CEP135: variants seen among roughly 807,000 people sequenced by gnomAD.
The protein encoded by CEP135 is centrosomal protein 135.
In CEP135, 142 loss-of-function variants were observed where a neutral mutation model predicts 157.3. That is an observed-to-expected ratio of 0.90 (90% CI 0.79 to 1.04). The LOEUF (loss-of-function observed/expected upper bound fraction) is 1.04. CEP135 is among the 50% of genes least tolerant of loss of function. The probability of loss-of-function intolerance (pLI) is 0.00; values close to 1 mark genes in which losing one functional copy is unlikely to be tolerated. For synonymous variants in CEP135, 396 were observed against 439.8 expected, an observed-to-expected ratio of 0.90 and a Z score of 1.25; for missense variants, 1,317 against 1,309.2, an observed-to-expected ratio of 1.01 and a Z score of -0.09.
At chr4:55,969,450 AAAAG>A (rs1728952114) in intron 9 of CEP135, among the ~76,000 whole-genome samples, 1 of 148,198 alleles carries the variant, frequency 6.7e-6, no homozygotes, top group Non-Finnish European at 1.5e-5. Context: ...AAAAAAAAAG[AAAAG>A]AAAATTTGTA....
chr4:55,961,980 A>G (rs1453579181), intron 6 of CEP135, among the ~76,000 whole-genome samples: 1 of 151,914 alleles, frequency 6.6e-6, no homozygotes, highest in East Asian at 1.9e-4. Flanking sequence ...TTAATCAATT[A>G]TTCTTTTTTT....
At position 55,974,757 on chromosome 4, in the gene CEP135, ACTC is replaced by A; in HGVS notation, c.1262_1264del (p.Thr421_Leu422delinsMet). On this transcript the variant is annotated inframe_deletion, in exon 11 of 26. Transcript: ENST00000257287. The stretch of plus-strand genomic sequence containing the variant: ...ACTTTAATTTACAGAACGACAACTT[ACTC>A]TGGAGGTTGAGAGGATGAGACTAGA... The A allele has an allele frequency of 6.2e-7, 1 of 1,611,988 alleles. No individual in the cohort carries two copies. Among genetic ancestry groups the A allele is most frequent in the Middle Eastern group, 1.7e-4 (1 of 6,042 alleles).
At chr4:55,971,239 G>A (rs1729016543) in intron 9 of CEP135, 31 bp from the exon 10 acceptor site, 14 of 1,501,760 alleles carry the variant, frequency 9.3e-6, no homozygotes, top group Non-Finnish European at 1.3e-5. Context: ...AAAGTTGTTA[G>A]AAATCTTAAT....
chr4:55,954,088 A>G (rs185936243), intron 3 of CEP135, 128 bp from the exon 4 acceptor site: 31 of 731,782 alleles, frequency 4.2e-5, no homozygotes, highest in African/African-American at 4.0e-4. Context: ...ATAAGTGTCA[A>G]CTAAAGCATG....
At chr4:56,014,990 C>T (rs1018293214) in intron 21 of CEP135, among the ~76,000 whole-genome samples, 2 of 151,810 alleles carry the variant, frequency 1.3e-5, no homozygotes, top group African/African-American at 4.8e-5. Context: ...TGCAGTGAGC[C>T]GAGATCATGC....
chr4:56,010,878 G>A (rs1730558802), intron 19 of CEP135, among the ~76,000 whole-genome samples: 2 of 152,262 alleles, frequency 1.3e-5, no homozygotes, highest in African/African-American at 4.8e-5. Context: ...CTAGCCTTTA[G>A]TGTAAATGCC....
intron 9 of CEP135, 97 bp downstream of exon 9, chr4:55,969,225 C>G (rs549940130): frequency 2.2e-6 from 2 of 897,794 alleles, no homozygotes; most frequent in African/African-American, 1.7e-5. Flanking sequence ...GAGTTCGAGA[C>G]CATCCAGCCA....
chr4:55,957,981 C>T (rs1027288160), intron 5 of CEP135, among the ~76,000 whole-genome samples: 1 of 152,096 alleles, frequency 6.6e-6, no homozygotes, highest in Non-Finnish European at 1.5e-5. Flanking sequence ...ATAAGAGGCT[C>T]AAAGGAATGG....
chr4:55,979,868 G>A (rs1210858183), intron 11 of CEP135, among the ~76,000 whole-genome samples: 1 of 152,094 alleles, frequency 6.6e-6, no homozygotes, highest in Non-Finnish European at 1.5e-5. Flanking sequence ...AACAACTTTG[G>A]GAGAATAAAA....
intron 17 of CEP135, among the ~76,000 whole-genome samples, chr4:56,000,832 G>C (rs1334837995): frequency 1.3e-5 from 2 of 151,970 alleles, no homozygotes; most frequent in African/African-American, 2.4e-5. Context: ...TTCATACACT[G>C]TTTTCCATAG....
chr4:56,022,251 C>T (rs1376641409), intron 24 of CEP135, among the ~76,000 whole-genome samples: 1 of 152,162 alleles, frequency 6.6e-6, no homozygotes. Flanking sequence ...CACAGTTCCT[C>T]CCCTTGTTCC....
At chr4:55,981,154 CAT>C in intron 12 of CEP135, 71 bp from the exon 13 acceptor site, 12 of 1,411,162 alleles carry the variant, frequency 8.5e-6, no homozygotes, top group Non-Finnish European at 1.1e-5. Flanking sequence ...TAACTGGAAA[CAT>C]ATCCAAAGTA....
chr4:56,008,124 A>G (rs1030919257), intron 17 of CEP135, among the ~76,000 whole-genome samples: 1 of 152,218 alleles, frequency 6.6e-6, no homozygotes, highest in Non-Finnish European at 1.5e-5. Context: ...AGCAAACTCA[A>G]GAAAACTATT....
At position 56,017,737 on chromosome 4, in the gene CEP135, AGAT is replaced by A. The variant is rs1299205509; in HGVS notation, c.2895_2897del (p.Asp965del). 2 of 1,613,926 alleles carry A rather than the reference AGAT, an allele frequency of 1.2e-6. No individual in the cohort carries two copies. Among genetic ancestry groups the A allele is most frequent in the African/African-American group, 2.7e-5 (2 of 74,940 alleles). ...TAGAAGAAGAGCTGAGACATCAAGA[AGAT>A]GAGAAAGCAACAGTATTAAATGACT... is the stretch of plus-strand genomic sequence containing the variant. On this transcript the variant is annotated inframe_deletion, in exon 22 of 26. Coordinates refer to ENST00000257287, the MANE Select transcript of CEP135 (RefSeq NM_025009.5).
At chr4:55,954,844 G>A (rs1004573190) in intron 4 of CEP135, among the ~76,000 whole-genome samples, 3 of 152,154 alleles carry the variant, frequency 2.0e-5, no homozygotes, top group Admixed American at 1.3e-4. Flanking sequence ...CACCACTTTG[G>A]GAGGCTGAAG....
intron 17 of CEP135, among the ~76,000 whole-genome samples, chr4:56,005,503 T>C (rs1730322092): frequency 6.6e-6 from 1 of 152,182 alleles, no homozygotes; most frequent in African/African-American, 2.4e-5. Flanking sequence ...TCCCTCGCAT[T>C]TTGACTTGTG....
chr4:55,995,631 A>G (rs1219051158), intron 15 of CEP135, among the ~76,000 whole-genome samples: 1 of 152,250 alleles, frequency 6.6e-6, no homozygotes, highest in Non-Finnish European at 1.5e-5. Flanking sequence ...TCACTAAATA[A>G]TAATTTTCTA....
Position 56,011,888 on chromosome 4 carries a change from GAGAAAGCAGCTC to G in CEP135, c.2708_2719del (p.Glu903_Ser906del). ...GAGGTCAAAGCCCATCAAGCTGAGG[GAGAAAGCAGCTC>G]AGTTCGACTGGAACTTCTTTCTATT... is the stretch of plus-strand genomic sequence containing the variant. On this transcript the variant is annotated inframe_deletion, in exon 21 of 26. Coordinates refer to ENST00000257287, the MANE Select transcript of CEP135 (RefSeq NM_025009.5). 1 of 1,607,586 alleles carries G rather than the reference GAGAAAGCAGCTC, an allele frequency of 6.2e-7. No individual in the cohort carries two copies. Among genetic ancestry groups the G allele is most frequent in the South Asian group, 1.1e-5 (1 of 90,300 alleles).
At chr4:56,028,887 G>C (rs191302479) in intron 25 of CEP135, among the ~76,000 whole-genome samples, 21 of 152,194 alleles carry the variant, frequency 1.4e-4, no homozygotes, top group African/African-American at 5.1e-4. Context: ...GATAGTGTCA[G>C]ATCCCACAGA....
Sources: gnomAD v4.1 joint callset for allele counts (sites outside exome capture counted in the v4.1 genomes callset) on GRCh38, gnomAD v4.1.1 for gene constraint, MANE v1.5 for transcripts, NCBI Gene and HGNC (gene_info 2026-07-23, HGNC 2026-07-21) for gene names.